The following NPAS3 variants were observed in gnomAD, a reference collection of about 807,000 sequenced individuals.
NPAS3 encodes the protein neuronal PAS domain protein 3.
NPAS3 carries 14 observed loss-of-function variants against 73.1 expected under a neutral mutation model. That is an observed-to-expected ratio of 0.19 (90% CI 0.13 to 0.30). NPAS3 has a LOEUF of 0.30. Among genes scored for constraint, NPAS3 ranks in the 10% least tolerant of loss-of-function variants. The pLI, the probability that NPAS3 is intolerant of heterozygous loss-of-function variation, is 1.00. For missense variants in NPAS3, 1,096 were observed against 1,250.0 expected (o/e 0.88, Z 1.86); for synonymous variants, 620 against 541.5 (o/e 1.14, Z -2.01).
chr14:33,586,305 G>A (rs1028623669), intron 5 of NPAS3, among the ~76,000 whole-genome samples: 80 of 151,518 alleles, frequency 5.3e-4, no homozygotes, highest in Non-Finnish European at 1.1e-3. Flanking sequence ...TCCCCCATCT[G>A]AAAAGTGAAT....
chr14:33,150,718 C>T (rs1238374346), intron 2 of NPAS3, among the ~76,000 whole-genome samples: 2 of 152,186 alleles, frequency 1.3e-5, no homozygotes, highest in African/African-American at 2.4e-5. Flanking sequence ...GAAATGATTT[C>T]TCCGTAATCA....
At chr14:33,724,353 G>T (rs2061203061) in intron 6 of NPAS3, among the ~76,000 whole-genome samples, 1 of 152,146 alleles carries the variant, frequency 6.6e-6, no homozygotes, top group Non-Finnish European at 1.5e-5. Flanking sequence ...AATGCCAATT[G>T]CCAGGTGCAG....
intron 6 of NPAS3, among the ~76,000 whole-genome samples, chr14:33,718,522 G>A (rs116868015): frequency 0.017 from 2,517 of 152,212 alleles, 33 homozygotes; most frequent in Non-Finnish European, 0.025. Context: ...CCAAAATCAT[G>A]TTGATGATAG....
At chr14:33,602,474 A>C (rs991302066) in intron 5 of NPAS3, among the ~76,000 whole-genome samples, 2 of 152,168 alleles carry the variant, frequency 1.3e-5, no homozygotes, top group South Asian at 4.1e-4. Flanking sequence ...CAGCACATTC[A>C]AGCACTAGGA....
chr14:33,652,285 C>T (rs1047285233), intron 5 of NPAS3, among the ~76,000 whole-genome samples: 2 of 152,184 alleles, frequency 1.3e-5, no homozygotes, highest in African/African-American at 4.8e-5. Flanking sequence ...CTGTTGCATT[C>T]TCCTCTGCTA....
chr14:33,173,011 G>A (rs2045456012), intron 2 of NPAS3, among the ~76,000 whole-genome samples: 1 of 152,048 alleles, frequency 6.6e-6, no homozygotes, highest in African/African-American at 2.4e-5. Flanking sequence ...AAGTTTTAAT[G>A]TTTCAGAATT....
chr14:33,296,300 ACAT>A (rs1163503423), intron 3 of NPAS3, among the ~76,000 whole-genome samples: 2 of 152,226 alleles, frequency 1.3e-5, no homozygotes, highest in Non-Finnish European at 2.9e-5. Context: ...ATTTATATAG[ACAT>A]CATTCAGTAT....
chr14:33,375,497 T>C (rs1334289707), intron 4 of NPAS3, among the ~76,000 whole-genome samples: 1 of 152,192 alleles, frequency 6.6e-6, no homozygotes, highest in Admixed American at 6.5e-5. Flanking sequence ...AGTTCACGTA[T>C]GAACAACTCA....
At chr14:33,443,827 G>A (rs1258051270) in intron 4 of NPAS3, among the ~76,000 whole-genome samples, 1 of 152,190 alleles carries the variant, frequency 6.6e-6, no homozygotes. Flanking sequence ...TTTATCTCTG[G>A]TCACCAGCTG....
chr14:33,403,162 A>G (rs2047518814), intron 4 of NPAS3, among the ~76,000 whole-genome samples: 1 of 152,118 alleles, frequency 6.6e-6, no homozygotes, highest in Admixed American at 6.6e-5. Flanking sequence ...TTGTAACCCT[A>G]TTTTTATTAA....
intron 4 of NPAS3, among the ~76,000 whole-genome samples, chr14:33,393,412 C>T (rs2047089684): frequency 6.6e-6 from 1 of 152,198 alleles, no homozygotes; most frequent in Non-Finnish European, 1.5e-5. Flanking sequence ...TTACTCACAA[C>T]TATGCACTAC....
At chr14:33,532,242 G>A (rs527565035) in intron 4 of NPAS3, among the ~76,000 whole-genome samples, 20 of 152,164 alleles carry the variant, frequency 1.3e-4, no homozygotes, top group East Asian at 5.8e-4. Context: ...TGATCTTTCC[G>A]TCCTTTTTAA....
chr14:32,990,095 T>C lies in NPAS3; in HGVS notation c.50+50729T>C, dbSNP rs973048304. Among the ~76,000 whole-genome samples the C allele has an allele frequency of 7.2e-4, 109 of 152,282 alleles. 1 individual carries two copies. Among genetic ancestry groups the C allele is most frequent in the African/African-American group, 2.6e-3 (106 of 41,556 alleles). On this transcript the variant is annotated intron_variant, in intron 1 of 11. Transcript: ENST00000356141. ...TTTCTATTCCCTGAAACAGGGAATG[T>C]AGGAAAAGGAGCAAATATGTGCCAG...
At chr14:33,514,434 T>C (rs2140039693) in intron 4 of NPAS3, among the ~76,000 whole-genome samples, 2 of 152,160 alleles carry the variant, frequency 1.3e-5, no homozygotes, top group South Asian at 2.1e-4. Context: ...CTGATTTGGA[T>C]ATATAACCTT....
intron 5 of NPAS3, among the ~76,000 whole-genome samples, chr14:33,574,632 T>G (rs1435286315): frequency 2.6e-5 from 4 of 151,982 alleles, no homozygotes; most frequent in Non-Finnish European, 5.9e-5. Flanking sequence ...GGAGAGAAAG[T>G]GTTGATGGAT....
chr14:33,162,990 G>T (rs2044964594), intron 2 of NPAS3, among the ~76,000 whole-genome samples: 2 of 152,142 alleles, frequency 1.3e-5, no homozygotes, highest in South Asian at 4.1e-4. Context: ...CATTACTGCT[G>T]ACAAAGAAAA....
chr14:33,570,432 A>G (rs1342173617), intron 5 of NPAS3, among the ~76,000 whole-genome samples: 1 of 152,174 alleles, frequency 6.6e-6, no homozygotes, highest in African/African-American at 2.4e-5. Flanking sequence ...AGAAAAGTCT[A>G]CACATCCCTG....
At chr14:33,249,156 A>G (rs1278357306) in intron 3 of NPAS3, among the ~76,000 whole-genome samples, 1 of 152,150 alleles carries the variant, frequency 6.6e-6, no homozygotes, top group African/African-American at 2.4e-5. Context: ...GAAGATTAGA[A>G]CAGTACTCAT....
chr14:33,305,120 T>C (rs2042704468), intron 3 of NPAS3, among the ~76,000 whole-genome samples: 1 of 152,084 alleles, frequency 6.6e-6, no homozygotes, highest in East Asian at 1.9e-4. Flanking sequence ...TGTATGTTTT[T>C]TAAAAGTATG....
Sources: gnomAD v4.1 joint callset for allele counts (sites outside exome capture counted in the v4.1 genomes callset) on GRCh38, gnomAD v4.1.1 for gene constraint, MANE v1.5 for transcripts, NCBI Gene and HGNC (gene_info 2026-07-23, HGNC 2026-07-21) for gene names.